Variants in SMURF2 observed in about 807,000 individuals in gnomAD.
SMURF2 encodes SMAD specific E3 ubiquitin protein ligase 2.
A neutral mutation model predicts 109.6 loss-of-function variants in SMURF2; 48 were observed. That is an observed-to-expected ratio of 0.44 (90% CI 0.35 to 0.56). SMURF2 has a LOEUF of 0.56. Among genes scored for constraint, SMURF2 ranks in the 20% least tolerant of loss-of-function variants. SMURF2 has a pLI of 0.01. For synonymous variants in SMURF2, 288 were observed against 317.1 expected (o/e 0.91, Z 0.97); for missense variants, 575 against 909.0 (o/e 0.63, Z 4.72).
rs1313823746 is a variant in SMURF2 at position 64,543,032 on chromosome 17, T to G, written c.*2816A>C. On this transcript the variant is annotated 3_prime_UTR_variant, in exon 19 of 19. Coordinates refer to ENST00000262435, the MANE Select transcript of SMURF2 (RefSeq NM_022739.4). ...AAAGGCAAGAGTATGAAAACAGATA[T>G]CACATATCTGAAATAACAATACAGC... The G allele has an allele frequency of 1.3e-5, 2 of 152,004 alleles. No homozygotes were observed. Among genetic ancestry groups the G allele is most frequent in the African/African-American group, 4.8e-5 (2 of 41,370 alleles). 9.4% of individuals were successfully genotyped at this position (152,004 alleles called of 1,614,324 possible).
Position 64,578,070 on chromosome 17 carries a change from C to T in SMURF2, c.857+422G>A, listed in dbSNP as rs369071481. On this transcript the variant is annotated intron_variant, in intron 9 of 18. Transcript: ENST00000262435. ...CAAGCGATTCCCTGCCTCAGCCACCCGAGTAGCTGGGATTACAGGCACGCG... is the reference window on the plus strand; with the variant it reads ...CAAGCGATTCCCTGCCTCAGCCACCTGAGTAGCTGGGATTACAGGCACGCG... Among the ~76,000 whole-genome samples, 15 of 151,982 alleles carry T rather than the reference C, an allele frequency of 9.9e-5. No homozygotes were observed. In the South Asian group the frequency reaches 1.9e-3, roughly 19 times the overall value.
intron 1 of SMURF2, among the ~76,000 whole-genome samples, chr17:64,647,899 T>C (rs1970580103): frequency 6.6e-6 from 1 of 151,032 alleles, no homozygotes; most frequent in Non-Finnish European, 1.5e-5. Flanking sequence ...AAAAACTTTT[T>C]TTCTTAATTA....
At chr17:64,654,122 ACTTTTTG>A (rs1393025324) in intron 1 of SMURF2, among the ~76,000 whole-genome samples, 2 of 152,188 alleles carry the variant, frequency 1.3e-5, no homozygotes, top group Non-Finnish European at 2.9e-5. Context: ...TTGGGAAGAA[ACTTTTTG>A]GGAAGAAATG....
chr17:64,604,470 A>T (rs1969942273), intron 2 of SMURF2, among the ~76,000 whole-genome samples: 1 of 152,226 alleles, frequency 6.6e-6, no homozygotes. Flanking sequence ...AAACATTAAT[A>T]TATGATTCCT....
At chr17:64,617,351 C>A (rs1555690195) in intron 1 of SMURF2, among the ~76,000 whole-genome samples, 1 of 151,960 alleles carries the variant, frequency 6.6e-6, no homozygotes, top group Non-Finnish European at 1.5e-5. Flanking sequence ...ATATTCAGTA[C>A]CTGGCAAGTA....
In SMURF2 at chr17:64,634,761, G is replaced by A. The variant is rs376504964; in HGVS notation, c.52+27068C>T. ...AAATAAACATATTTGTTCAATTCAA[G>A]CTTAAAAAGAAGACACAGTCCTTGA... On this transcript the variant is annotated intron_variant, in intron 1 of 18. Coordinates refer to ENST00000262435, the MANE Select transcript of SMURF2 (RefSeq NM_022739.4). Among the ~76,000 whole-genome samples, 24 of 152,230 alleles carry A rather than the reference G, an allele frequency of 1.6e-4. 1 individual carries two copies. Among genetic ancestry groups the A allele is most frequent in the African/African-American group, 5.5e-4 (23 of 41,526 alleles).
intron 1 of SMURF2, among the ~76,000 whole-genome samples, chr17:64,615,266 G>GA (rs376861175): frequency 2.8e-4 from 41 of 147,820 alleles, no homozygotes; most frequent in African/African-American, 4.7e-4. Flanking sequence ...CTGCTTGAGA[G>GA]AAAAAAAAAA....
intron 1 of SMURF2, among the ~76,000 whole-genome samples, chr17:64,654,509 A>G (rs1371753320): frequency 6.6e-6 from 1 of 152,222 alleles, no homozygotes; most frequent in African/African-American, 2.4e-5. Context: ...ATTCAACTGT[A>G]ACAAGTACCA....
At chr17:64,562,194 G>A (rs1323741423) in intron 11 of SMURF2, among the ~76,000 whole-genome samples, 1 of 144,242 alleles carries the variant, frequency 6.9e-6, no homozygotes, top group Non-Finnish European at 1.5e-5. Flanking sequence ...TCAAGAGGCT[G>A]AGGCAGGAGA....
intron 1 of SMURF2, among the ~76,000 whole-genome samples, chr17:64,621,623 C>G (rs1970203877): frequency 6.6e-6 from 1 of 150,892 alleles, no homozygotes; most frequent in Non-Finnish European, 1.5e-5. Flanking sequence ...TGCCTGTAAT[C>G]CCAGCATTTT....
chr17:64,567,707 A>C (rs1555685154), intron 10 of SMURF2, among the ~76,000 whole-genome samples: 1 of 152,142 alleles, frequency 6.6e-6, no homozygotes, highest in African/African-American at 2.4e-5. Context: ...TTTTGAAACA[A>C]AGTCTGGCTC....
At chr17:64,614,227 T>C (rs782665419) in intron 1 of SMURF2, among the ~76,000 whole-genome samples, 20 of 152,202 alleles carry the variant, frequency 1.3e-4, no homozygotes, top group Non-Finnish European at 2.4e-4. Flanking sequence ...TAAGCTTATA[T>C]ATATGGAATT....
At chr17:64,618,980 C>G (rs998922252) in intron 1 of SMURF2, among the ~76,000 whole-genome samples, 1 of 152,162 alleles carries the variant, frequency 6.6e-6, no homozygotes, top group Non-Finnish European at 1.5e-5. Flanking sequence ...CTTCTCTTTG[C>G]TTCAGATAGC....
At chr17:64,651,172 G>A (rs1970633217) in intron 1 of SMURF2, among the ~76,000 whole-genome samples, 1 of 152,040 alleles carries the variant, frequency 6.6e-6, no homozygotes, top group Non-Finnish European at 1.5e-5. Context: ...ACTCCAGCCT[G>A]GGCGACATAG....
chr17:64,584,361 CTTTTTTTTTTTTTT>C (rs372682588), intron 6 of SMURF2, among the ~76,000 whole-genome samples: 2 of 112,754 alleles, frequency 1.8e-5, no homozygotes, highest in African/African-American at 7.5e-5. Context: ...CTTTTTTTTT[CTTTTTTTTTTTTTT>C]TTGAGACAGA....
chr17:64,621,302 G>A (rs1970197699), intron 1 of SMURF2, among the ~76,000 whole-genome samples: 1 of 152,236 alleles, frequency 6.6e-6, no homozygotes, highest in South Asian at 2.1e-4. Flanking sequence ...ACTGTAGGCT[G>A]GGCGTGCTGG....
chr17:64,644,640 G>A (rs1056516398), intron 1 of SMURF2, among the ~76,000 whole-genome samples: 5 of 151,586 alleles, frequency 3.3e-5, no homozygotes, highest in Admixed American at 6.6e-5. Context: ...AGCCAGGCAT[G>A]GTGGCTCACG....
chr17:64,579,115 T>C (rs570412793), intron 8 of SMURF2, among the ~76,000 whole-genome samples: 1 of 151,978 alleles, frequency 6.6e-6, no homozygotes, highest in Non-Finnish European at 1.5e-5. Flanking sequence ...CATAAACAGA[T>C]AGAGATGGAA....
chr17:64,634,794 T>C (rs1555691936), intron 1 of SMURF2, among the ~76,000 whole-genome samples: 1 of 152,222 alleles, frequency 6.6e-6, no homozygotes, highest in African/African-American at 2.4e-5. Context: ...TGAATGATTT[T>C]TATCTGATGC....
Sources: allele counts gnomAD v4.1 joint callset (sites outside exome capture counted in the v4.1 genomes callset), GRCh38; gene constraint gnomAD v4.1.1; transcripts MANE v1.5; gene names NCBI Gene and HGNC (gene_info 2026-07-23, HGNC 2026-07-21).